Variants in TACR3 observed in about 807,000 individuals in gnomAD.
TACR3 encodes the protein tachykinin receptor 3.
TACR3 carries 34 observed loss-of-function variants against 35.0 expected under a neutral mutation model. The ratio of observed to expected loss-of-function variants is 0.97; its 90% confidence interval spans 0.74 to 1.30. The LOEUF (loss-of-function observed/expected upper bound fraction) is 1.30, where lower values mean the gene tolerates loss of function less well. Ranked by LOEUF, TACR3 falls within the 50% of genes most tolerant of loss-of-function variation. The probability of loss-of-function intolerance (pLI) is 0.00; values close to 1 mark genes in which losing one functional copy is unlikely to be tolerated. For synonymous variants in TACR3, 233 were observed against 221.1 expected, an observed-to-expected ratio of 1.05 and a Z score of -0.48; for missense variants, 558 against 591.7, an observed-to-expected ratio of 0.94 and a Z score of 0.59.
At chr4:103,712,654 C>T (rs949056714) in intron 1 of TACR3, among the ~76,000 whole-genome samples, 1 of 152,122 alleles carries the variant, frequency 6.6e-6, no homozygotes, top group Non-Finnish European at 1.5e-5. Flanking sequence ...AGCTTCTGCA[C>T]AGCAAAAGAA....
At chr4:103,706,123 T>G (rs1299540586) in intron 1 of TACR3, among the ~76,000 whole-genome samples, 2 of 152,090 alleles carry the variant, frequency 1.3e-5, no homozygotes, top group Admixed American at 6.6e-5. Flanking sequence ...TGTGAGTTAT[T>G]TGAACAACTG....
intron 1 of TACR3, among the ~76,000 whole-genome samples, chr4:103,659,294 A>C (rs1371561435): frequency 1.3e-5 from 2 of 152,250 alleles, no homozygotes; most frequent in Non-Finnish European, 2.9e-5. Flanking sequence ...CTAACACATT[A>C]GAATTCATAA....
chr4:103,598,413 C>T (rs1264153948), intron 3 of TACR3, among the ~76,000 whole-genome samples: 1 of 152,166 alleles, frequency 6.6e-6, no homozygotes, highest in African/African-American at 2.4e-5. Context: ...TGCCTGTTCA[C>T]TCTGATGGTA....
chr4:103,684,984 A>AAATT (rs1421007370), intron 1 of TACR3, among the ~76,000 whole-genome samples: 2 of 123,822 alleles, frequency 1.6e-5, no homozygotes, highest in Non-Finnish European at 3.4e-5. Context: ...CTCCATCTCA[A>AAATT]AATTAAATAA....
In TACR3 at chr4:103,586,212, C is replaced by CATATATAT. The variant is rs374252132; in HGVS notation, c.*3462_*3469dup. ...TTACTTCTTATATAAACAGATTTTT[C>CATATATAT]ATATATATATATATATGTATGAAAA... On this transcript the variant is annotated 3_prime_UTR_variant, in exon 5 of 5. Transcript: ENST00000304883. The CATATATAT allele has an allele frequency of 3.7e-3, 554 of 148,852 alleles. 1 individual carries two copies. Among genetic ancestry groups the CATATATAT allele is most frequent in the African/African-American group, 0.013 (530 of 40,738 alleles). 9.2% of individuals were successfully genotyped at this position (148,852 alleles called of 1,614,324 possible).
At chr4:103,710,084 A>G (rs1362268981) in intron 1 of TACR3, among the ~76,000 whole-genome samples, 1 of 152,184 alleles carries the variant, frequency 6.6e-6, no homozygotes, top group Non-Finnish European at 1.5e-5. Context: ...CCCTGTCAAC[A>G]TTAGACAGAT....
At chr4:103,697,715 C>T (rs376903553) in intron 1 of TACR3, among the ~76,000 whole-genome samples, 11 of 152,112 alleles carry the variant, frequency 7.2e-5, no homozygotes, top group East Asian at 1.9e-4. Context: ...TGAGCCACTG[C>T]GCCCAGCCGG....
chr4:103,643,147 T>G (rs1192797978), intron 3 of TACR3, among the ~76,000 whole-genome samples: 1 of 151,896 alleles, frequency 6.6e-6, no homozygotes, highest in Admixed American at 6.6e-5. Context: ...TAGCCACTTC[T>G]ACATGTGGCT....
At chr4:103,674,470 C>T (rs187909332) in intron 1 of TACR3, among the ~76,000 whole-genome samples, 2 of 152,262 alleles carry the variant, frequency 1.3e-5, no homozygotes, top group African/African-American at 2.4e-5. Flanking sequence ...TCAGAAGGAG[C>T]TTGTCTTAAA....
intron 1 of TACR3, among the ~76,000 whole-genome samples, chr4:103,687,980 C>T (rs1722293780): frequency 1.3e-5 from 2 of 152,178 alleles, no homozygotes; most frequent in African/African-American, 4.8e-5. Context: ...AGGCATCACG[C>T]TACCTGACTT....
At chr4:103,633,009 G>C (rs1725101371) in intron 3 of TACR3, among the ~76,000 whole-genome samples, 1 of 151,626 alleles carries the variant, frequency 6.6e-6, no homozygotes, top group African/African-American at 2.4e-5. Flanking sequence ...AAAAGTGTTA[G>C]TATGATGATA....
At chr4:103,591,433 T>A (rs2110283118) in intron 4 of TACR3, 54 bp downstream of exon 4, 7 of 1,592,026 alleles carry the variant, frequency 4.4e-6, no homozygotes, top group Non-Finnish European at 6.0e-6. Flanking sequence ...CATTGTATGT[T>A]TCCAGTGAAG....
chr4:103,604,620 AT>A (rs1208257670), intron 3 of TACR3, among the ~76,000 whole-genome samples: 2 of 152,092 alleles, frequency 1.3e-5, no homozygotes, highest in Non-Finnish European at 2.9e-5. Flanking sequence ...GAATGGGAGA[AT>A]TTTTTTGCAA....
At chr4:103,608,204 T>G (rs567400989) in intron 3 of TACR3, among the ~76,000 whole-genome samples, 2 of 152,214 alleles carry the variant, frequency 1.3e-5, no homozygotes, top group East Asian at 3.9e-4. Context: ...GTGGTTCATA[T>G]ACACCATGGG....
At position 103,588,151 on chromosome 4, in the gene TACR3, T is replaced by G. The variant is rs180878950; in HGVS notation, c.*1531A>C. 3 of 152,254 alleles carry G rather than the reference T, an allele frequency of 2.0e-5. No individual in the cohort carries two copies. Among genetic ancestry groups the G allele is most frequent in the Admixed American group, 2.0e-4 (3 of 15,278 alleles). 9.4% of individuals were successfully genotyped at this position (152,254 alleles called of 1,614,324 possible). ...TTGAGAAATAGACCATGATTTGCCA[T>G]TGAATATTTGCTTTTATTCTGTTCT... On this transcript the variant is annotated 3_prime_UTR_variant, in exon 5 of 5. Coordinates refer to ENST00000304883, the MANE Select transcript of TACR3 (RefSeq NM_001059.3).
At chr4:103,610,229 T>A (rs1724482632) in intron 3 of TACR3, among the ~76,000 whole-genome samples, 1 of 152,132 alleles carries the variant, frequency 6.6e-6, no homozygotes, top group South Asian at 2.1e-4. Flanking sequence ...GTTTACAGTT[T>A]GTCCCTCCAA....
chr4:103,591,467 T>A lies in TACR3; in HGVS notation c.1085+20A>T. The A allele has an allele frequency of 6.2e-7, 1 of 1,613,372 alleles. No homozygotes were observed. The highest frequency in any genetic ancestry group is 1.1e-5 in the South Asian group (1 of 91,078). ...AGGTGGGTGTGACAAGCAACTTGCA[T>A]TTCGTAGTTTTGTTTTTACCTTTTA... On this transcript the variant is annotated intron_variant, in intron 4 of 4. Coordinates refer to ENST00000304883, the MANE Select transcript of TACR3 (RefSeq NM_001059.3).
chr4:103,598,688 C>A (rs576080672), intron 3 of TACR3, among the ~76,000 whole-genome samples: 1 of 152,270 alleles, frequency 6.6e-6, no homozygotes, highest in African/African-American at 2.4e-5. Flanking sequence ...CCAGTTTTCC[C>A]AGCACCATTG....
chr4:103,614,398 G>T (rs1724585204), intron 3 of TACR3, among the ~76,000 whole-genome samples: 1 of 152,000 alleles, frequency 6.6e-6, no homozygotes, highest in African/African-American at 2.4e-5. Flanking sequence ...CTAAGGTCTA[G>T]GTTTTATTAA....
Sources: gnomAD v4.1 joint callset for allele counts (sites outside exome capture counted in the v4.1 genomes callset) on GRCh38, gnomAD v4.1.1 for gene constraint, MANE v1.5 for transcripts, NCBI Gene and HGNC (gene_info 2026-07-23, HGNC 2026-07-21) for gene names.